The following RAB33A variants were observed in gnomAD, a reference collection of about 807,000 sequenced individuals.
The protein encoded by RAB33A is RAB33A, member RAS oncogene family, also known as ras-related protein Rab-33A.
A neutral mutation model predicts 12.0 loss-of-function variants in RAB33A; 6 were observed. That is an observed-to-expected ratio of 0.50 (90% CI 0.27 to 0.99). The LOEUF (loss-of-function observed/expected upper bound fraction) is 0.99. Ranked by LOEUF, RAB33A falls within the 50% of genes least tolerant of loss-of-function variation. The pLI, the probability that RAB33A is intolerant of heterozygous loss-of-function variation, is 0.11. For synonymous variants in RAB33A, 70 were observed against 82.4 expected (o/e 0.85, Z 0.81); for missense variants, 109 against 192.0 (o/e 0.57, Z 2.55).
chrX:130,162,340 T>G, the RAB33A span, among the ~76,000 whole-genome samples: 2 of 111,832 alleles, frequency 1.8e-5, no homozygotes, highest in East Asian at 5.6e-4. Context: ...ATACCAAACT[T>G]GTCTGATCAT....
the RAB33A span, among the ~76,000 whole-genome samples, chrX:130,112,159 T>A: frequency 2.7e-5 from 3 of 111,987 alleles, no homozygotes; most frequent in African/African-American, 9.7e-5. Flanking sequence ...CAAGGAAAGA[T>A]CCTGTGGCTG....
At chrX:130,149,800 T>C in the RAB33A span, among the ~76,000 whole-genome samples, 1 of 112,143 alleles carries the variant, frequency 8.9e-6, no homozygotes, top group South Asian at 3.7e-4. Flanking sequence ...TTTCAGATTT[T>C]TAGGCTCTCT....
intron 1 of RAB33A, among the ~76,000 whole-genome samples, chrX:130,182,827 C>T (rs191686250): frequency 1.7e-3 from 186 of 112,033 alleles, no homozygotes; most frequent in African/African-American, 5.6e-3. Context: ...ATTTTGTGAG[C>T]GTTTCTCTTA....
At chrX:130,145,629 G>A in the RAB33A span, 132 of 920,173 alleles carry the variant, frequency 1.4e-4, 1 homozygote, top group Middle Eastern at 4.3e-3. Flanking sequence ...AGCTTCCCCC[G>A]TAGCTTTAAT....
At chrX:130,168,072 G>A (rs937510456), upstream of RAB33A, among the ~76,000 whole-genome samples, 6 of 109,607 alleles carry the variant, frequency 5.5e-5, no homozygotes, top group African/African-American at 2.0e-4. Context: ...AGCTACTCAG[G>A]AGGCTGAGAT....
chrX:130,132,701 C>T, the RAB33A span, among the ~76,000 whole-genome samples: 2 of 111,460 alleles, frequency 1.8e-5, no homozygotes, highest in Non-Finnish European at 3.8e-5. Context: ...CCATACCAGA[C>T]CAGCCTTCAT....
the RAB33A span, chrX:130,131,877 ATTTTTT>A: frequency 5.4e-6 from 5 of 933,988 alleles, no homozygotes; most frequent in Non-Finnish European, 7.3e-6. Context: ...ATGACACTGC[ATTTTTT>A]TTTTTTTGAG....
At chrX:130,182,567 C>A (rs1159685969) in intron 1 of RAB33A, among the ~76,000 whole-genome samples, 1 of 109,864 alleles carries the variant, frequency 9.1e-6, no homozygotes, top group Non-Finnish European at 1.9e-5. Flanking sequence ...CCAGCCTGAC[C>A]AACATGGAGA....
chrX:130,140,483 A>T, the RAB33A span: 1 of 1,066,954 alleles, frequency 9.4e-7, no homozygotes, highest in African/African-American at 1.8e-5. Context: ...TGGACTCTAA[A>T]ACTTGAATGA....
the RAB33A span, chrX:130,155,041 C>T: frequency 3.1e-6 from 3 of 967,500 alleles, no homozygotes; most frequent in Non-Finnish European, 4.4e-6. Context: ...TTAATAAACA[C>T]CTAGAGAAAG....
chrX:130,158,402 T>G, the RAB33A span, among the ~76,000 whole-genome samples: 1 of 112,179 alleles, frequency 8.9e-6, no homozygotes, highest in Non-Finnish European at 1.9e-5. Context: ...AGCAGTGGTT[T>G]TCAAACTTGA....
chrX:130,138,550 T>G, the RAB33A span: 5 of 950,403 alleles, frequency 5.3e-6, no homozygotes, highest in Non-Finnish European at 7.6e-6. Flanking sequence ...AAAAGCTATA[T>G]AAGACTAGAG....
the RAB33A span, among the ~76,000 whole-genome samples, chrX:130,144,740 C>T: frequency 8.9e-6 from 1 of 112,357 alleles, no homozygotes; most frequent in Admixed American, 9.4e-5. Flanking sequence ...ATTTATGTTT[C>T]TGCCTAATAC....
At chrX:130,140,454 T>C in the RAB33A span, 2 of 827,590 alleles carry the variant, frequency 2.4e-6, no homozygotes, top group Non-Finnish European at 3.7e-6. Flanking sequence ...TAAGTAGTAA[T>C]GCCTTCCATA....
the RAB33A span, among the ~76,000 whole-genome samples, chrX:130,120,597 G>C: frequency 2.7e-5 from 3 of 112,268 alleles, no homozygotes; most frequent in Non-Finnish European, 3.8e-5. Flanking sequence ...GGGCTCTGTG[G>C]GGCCTGCGAG....
Position 130,172,199 on chromosome X carries a change from A to C in RAB33A, c.137A>C (p.Asn46Thr). Residue 46 changes from asparagine to threonine, a missense_variant, in exon 1 of 2, where the codon AAC becomes ACC. Transcript: ENST00000257017. ...AAAATAATCGTGATTGGGGACTCCA[A>C]CGTGGGCAAGACCTGCCTGACCTTC... The part of the protein sequence containing the change: ...IFKIIVIGDS[N>T]VGKTCLTFRF... 1 of 1,212,271 alleles carries C rather than the reference A, an allele frequency of 8.2e-7. No homozygotes were observed. Among genetic ancestry groups the C allele is most frequent in the Non-Finnish European group, 1.1e-6 (1 of 895,572 alleles).
At chrX:130,121,298 G>A in the RAB33A span, among the ~76,000 whole-genome samples, 1 of 93,760 alleles carries the variant, frequency 1.1e-5, no homozygotes, top group Admixed American at 1.3e-4. Flanking sequence ...CGCTCAGGCT[G>A]CAGTGGCGCG....
the RAB33A span, among the ~76,000 whole-genome samples, chrX:130,133,695 C>A: frequency 9.1e-5 from 10 of 109,555 alleles, no homozygotes; most frequent in Non-Finnish European, 1.9e-4. Context: ...GTGGTGCGAT[C>A]ATGGCTCACC....
In RAB33A at chrX:130,171,971, C is replaced by G. The variant is rs190548497; in HGVS notation, c.-92C>G. The stretch of plus-strand genomic sequence containing the variant: ...ACACACGCGCGCACACACACACGCA[C>G]AGAGCTCGCTCGCCTCGAGCGCACG... On this transcript the variant is annotated 5_prime_UTR_variant, in exon 1 of 2. Coordinates refer to ENST00000257017, the MANE Select transcript of RAB33A (RefSeq NM_004794.3). The G allele has an allele frequency of 4.4e-4, 441 of 1,013,783 alleles. No homozygotes were observed. In the African/African-American group the frequency reaches 7.3e-3, roughly 17 times the overall value. The allele number at this position is 1,013,783 out of a possible 1,213,427, so 83.5% of individuals were successfully genotyped here.
Sources: allele counts gnomAD v4.1 joint callset (sites outside exome capture counted in the v4.1 genomes callset), GRCh38; gene constraint gnomAD v4.1.1; transcripts MANE v1.5; gene names NCBI Gene and HGNC (gene_info 2026-07-23, HGNC 2026-07-21).